The following DLG2 variants were observed in gnomAD, a reference collection of about 807,000 sequenced individuals.
DLG2 encodes the protein discs large MAGUK scaffold protein 2.
Under a neutral mutation model 132.5 loss-of-function variants are expected in DLG2, and 45 were observed. That is an observed-to-expected ratio of 0.34 (90% CI 0.27 to 0.44). DLG2 has a LOEUF of 0.44. Among genes scored for constraint, DLG2 ranks in the 20% least tolerant of loss-of-function variants. DLG2 has a pLI of 1.00. For synonymous variants in DLG2, 424 were observed against 419.6 expected, an observed-to-expected ratio of 1.01 and a Z score of -0.13; for missense variants, 1,045 against 1,196.9, an observed-to-expected ratio of 0.87 and a Z score of 1.87.
intron 7 of DLG2, among the ~76,000 whole-genome samples, chr11:84,420,735 C>T (rs1453349674): frequency 8.0e-6 from 1 of 124,874 alleles, no homozygotes; most frequent in African/African-American, 2.9e-5. Context: ...GTGGCGGGAT[C>T]TCGGCTCACT....
chr11:84,602,939 T>C (rs2099579218), intron 6 of DLG2, among the ~76,000 whole-genome samples: 1 of 151,948 alleles, frequency 6.6e-6, no homozygotes, highest in Non-Finnish European at 1.5e-5. Context: ...ATGATAGACA[T>C]GAATTAGATA....
chr11:84,031,558 T>C (rs1165908698), intron 11 of DLG2, among the ~76,000 whole-genome samples: 1 of 152,132 alleles, frequency 6.6e-6, no homozygotes, highest in Non-Finnish European at 1.5e-5. Flanking sequence ...CCTTACTAAG[T>C]CCAGCTTATT....
chr11:83,984,218 A>C (rs2093052966), intron 11 of DLG2, among the ~76,000 whole-genome samples: 3 of 146,276 alleles, frequency 2.1e-5, no homozygotes, highest in Non-Finnish European at 4.4e-5. Context: ...AGATAGATAG[A>C]TAGATAGATA....
intron 18 of DLG2, among the ~76,000 whole-genome samples, chr11:83,667,869 T>A (rs1182428146): frequency 6.9e-6 from 1 of 144,474 alleles, no homozygotes; most frequent in Non-Finnish European, 1.5e-5. Flanking sequence ...TCCCAGCTAC[T>A]CGGGAGGCTG....
rs771418927 is a variant in DLG2, at chr11:85,285,377, A to G, written c.41-12T>C. On this transcript the variant is annotated splice_polypyrimidine_tract_variant and intron_variant, in intron 3 of 27. Coordinates refer to ENST00000376104, the MANE Select transcript of DLG2 (RefSeq NM_001142699.3). ...AAATTCTTGGATATCTGTAAAGAAAATGTAAGGAAAGCATCAAAATGTAAT... is the reference window on the plus strand; with the variant it reads ...AAATTCTTGGATATCTGTAAAGAAAGTGTAAGGAAAGCATCAAAATGTAAT... 1.2e-6 allele frequency: 2 copies of G among 1,608,534 alleles called. No individual in the cohort carries two copies. Among genetic ancestry groups the G allele is most frequent in the Non-Finnish European group, 1.7e-6 (2 of 1,177,010 alleles).
rs555836696 is a variant in DLG2 at position 84,859,861 on chromosome 11, C to T, written c.357+251800G>A. On this transcript the variant is annotated intron_variant, in intron 6 of 27. Coordinates refer to ENST00000376104, the MANE Select transcript of DLG2 (RefSeq NM_001142699.3). ...AAAAAAAATCAACTGTTTCACTTTC[C>T]TCTTAGAAAGTGCAAACTGCCCTTC... Among the ~76,000 whole-genome samples the T allele has an allele frequency of 1.5e-4, 23 of 152,142 alleles. No individual in the cohort carries two copies. The South Asian group carries it at 3.7e-3, about 25-fold the overall frequency.
intron 18 of DLG2, among the ~76,000 whole-genome samples, chr11:83,711,467 G>T (rs1185320173): frequency 1.3e-5 from 2 of 152,192 alleles, no homozygotes; most frequent in Non-Finnish European, 2.9e-5. Context: ...TCGTCATAGG[G>T]CAGGCACCTC....
chr11:85,423,919 A>G (rs2090514046), intron 3 of DLG2, among the ~76,000 whole-genome samples: 1 of 152,156 alleles, frequency 6.6e-6, no homozygotes, highest in South Asian at 2.1e-4. Context: ...CAACAGATTC[A>G]TGCCCTCCCC....
intron 7 of DLG2, among the ~76,000 whole-genome samples, chr11:84,253,943 G>A (rs527845642): frequency 6.6e-5 from 10 of 152,140 alleles, no homozygotes; most frequent in Admixed American, 5.2e-4. Context: ...ACTAGACAAA[G>A]CAAAGACCAC....
intron 11 of DLG2, among the ~76,000 whole-genome samples, chr11:83,989,274 G>T (rs577031399): frequency 6.6e-6 from 1 of 152,112 alleles, no homozygotes; most frequent in Non-Finnish European, 1.5e-5. Flanking sequence ...CAGGCAATGG[G>T]ACAACAGCAG....
At chr11:84,397,982 T>C (rs1044698828) in intron 7 of DLG2, among the ~76,000 whole-genome samples, 2 of 152,234 alleles carry the variant, frequency 1.3e-5, no homozygotes, top group East Asian at 3.9e-4. Flanking sequence ...CAATTATACA[T>C]GAACTCTTTC....
At chr11:85,528,974 A>G (rs1434996280) in intron 3 of DLG2, among the ~76,000 whole-genome samples, 1 of 152,232 alleles carries the variant, frequency 6.6e-6, no homozygotes, top group Non-Finnish European at 1.5e-5. Context: ...TGGAATATTC[A>G]TAACATGAAA....
chr11:85,253,890 T>C (rs2076531219), intron 4 of DLG2, among the ~76,000 whole-genome samples: 1 of 152,098 alleles, frequency 6.6e-6, no homozygotes, highest in Non-Finnish European at 1.5e-5. Context: ...AAGGCTGGAC[T>C]CCTCTCTGAA....
chr11:84,383,827 C>T (rs531371998), intron 7 of DLG2, among the ~76,000 whole-genome samples: 1 of 152,172 alleles, frequency 6.6e-6, no homozygotes, highest in East Asian at 1.9e-4. Flanking sequence ...CTATGCTGTG[C>T]TTGGGCTTGA....
At chr11:84,409,230 G>A (rs1258003646) in intron 7 of DLG2, among the ~76,000 whole-genome samples, 1 of 152,124 alleles carries the variant, frequency 6.6e-6, no homozygotes, top group East Asian at 1.9e-4. Context: ...ATGATTAACA[G>A]ACCAGCCATT....
At chr11:83,487,017 C>T (rs1591667571) in intron 21 of DLG2, among the ~76,000 whole-genome samples, 1 of 151,392 alleles carries the variant, frequency 6.6e-6, no homozygotes, top group South Asian at 2.1e-4. Context: ...AAATCTGTTA[C>T]ACGAGTGCTA....
intron 3 of DLG2, among the ~76,000 whole-genome samples, chr11:85,468,118 C>G (rs2092859019): frequency 6.6e-6 from 1 of 152,078 alleles, no homozygotes; most frequent in African/African-American, 2.4e-5. Context: ...ATAGTATTCT[C>G]TGATTGTAGT....
At chr11:84,558,374 C>A (rs2099416224) in intron 6 of DLG2, among the ~76,000 whole-genome samples, 2 of 152,092 alleles carry the variant, frequency 1.3e-5, no homozygotes, top group Admixed American at 1.3e-4. Context: ...GAACTTATTC[C>A]CCAGTAGTGA....
At chr11:83,543,130 C>T (rs2096130331) in intron 19 of DLG2, among the ~76,000 whole-genome samples, 1 of 152,066 alleles carries the variant, frequency 6.6e-6, no homozygotes, top group African/African-American at 2.4e-5. Flanking sequence ...CAACGTAGTC[C>T]CTTCTTTCAT....
Sources: allele counts gnomAD v4.1 joint callset (sites outside exome capture counted in the v4.1 genomes callset), GRCh38; gene constraint gnomAD v4.1.1; transcripts MANE v1.5; gene names NCBI Gene and HGNC (gene_info 2026-07-23, HGNC 2026-07-21).